The following DOCK3 variants were observed in gnomAD, a reference collection of about 807,000 sequenced individuals.
DOCK3 encodes dedicator of cytokinesis 3.
A neutral mutation model predicts 265.6 loss-of-function variants in DOCK3; 60 were observed. The ratio of observed to expected loss-of-function variants is 0.23; its 90% CI spans 0.18 to 0.28. The LOEUF (loss-of-function observed/expected upper bound fraction) is 0.28. DOCK3 is among the 10% of genes least tolerant of loss of function. The pLI is 1.00. For missense variants in DOCK3, 1,981 were observed against 2,594.3 expected (o/e 0.76, Z 5.14); for synonymous variants, 881 against 938.0 (o/e 0.94, Z 1.11).
At chr3:51,227,137 A>T in intron 15 of DOCK3, 146 bp from the exon 16 acceptor site, 3 of 839,216 alleles carry the variant, frequency 3.6e-6, no homozygotes, top group Non-Finnish European at 5.6e-6. Context: ...CATTGAATTT[A>T]AATCAAATGC....
intron 27 of DOCK3, among the ~76,000 whole-genome samples, chr3:51,281,257 G>A (rs1319918317): frequency 2.2e-5 from 3 of 137,632 alleles, no homozygotes; most frequent in Non-Finnish European, 4.5e-5. Flanking sequence ...TAACACTAAC[G>A]ATAGCTGATG....
At chr3:51,322,234 G>T (rs1354114806) in intron 32 of DOCK3, among the ~76,000 whole-genome samples, 1 of 152,120 alleles carries the variant, frequency 6.6e-6, no homozygotes, top group Non-Finnish European at 1.5e-5. Context: ...ATGGAGTCTT[G>T]CTTGGTCGCC....
At chr3:51,372,167 G>C (rs932251621) in intron 49 of DOCK3, among the ~76,000 whole-genome samples, 2 of 152,202 alleles carry the variant, frequency 1.3e-5, no homozygotes, top group African/African-American at 2.4e-5. Flanking sequence ...TCAAAAGGCT[G>C]ATTGGAGCTA....
In DOCK3 at chr3:50,686,873, C is replaced by T. The variant is rs543550520; in HGVS notation, c.37+11573C>T. Among the ~76,000 whole-genome samples the T allele has an allele frequency of 5.5e-5, 8 of 146,106 alleles. No individual in the cohort carries two copies. In the East Asian group the frequency reaches 1.2e-3, roughly 22 times the overall value. Reference sequence around the variant, plus strand: ...GCAGTGAGCCAAAATCACACCACTACACTCTAGCCTGGGCAACAGAGCAAG... The same window carrying T: ...GCAGTGAGCCAAAATCACACCACTATACTCTAGCCTGGGCAACAGAGCAAG... On this transcript the variant is annotated intron_variant, in intron 1 of 52. Transcript: ENST00000266037.
intron 9 of DOCK3, among the ~76,000 whole-genome samples, chr3:51,100,196 C>T (rs1045763713): frequency 6.6e-6 from 1 of 152,170 alleles, no homozygotes; most frequent in Non-Finnish European, 1.5e-5. Context: ...ACAGTTAACA[C>T]TGAGCAAAAT....
intron 3 of DOCK3, among the ~76,000 whole-genome samples, chr3:50,887,777 C>G (rs2048416342): frequency 7.0e-6 from 1 of 142,802 alleles, no homozygotes. Context: ...ATGATTATCT[C>G]AATAGATGCA....
chr3:51,285,758 C>T (rs951318089), intron 27 of DOCK3, among the ~76,000 whole-genome samples: 5 of 151,938 alleles, frequency 3.3e-5, no homozygotes, highest in African/African-American at 1.2e-4. Flanking sequence ...CATAGCGAAA[C>T]CCCGTCTCTA....
At chr3:51,033,206 T>C (rs1468471806) in intron 5 of DOCK3, among the ~76,000 whole-genome samples, 2 of 152,192 alleles carry the variant, frequency 1.3e-5, no homozygotes, top group Non-Finnish European at 2.9e-5. Flanking sequence ...GCAAGAGCAT[T>C]GTCATAGTGG....
intron 27 of DOCK3, among the ~76,000 whole-genome samples, chr3:51,289,135 T>C (rs2081589920): frequency 6.6e-6 from 1 of 152,174 alleles, no homozygotes; most frequent in African/African-American, 2.4e-5. Flanking sequence ...GATTATGTTT[T>C]CTGCAGCAAC....
chr3:51,060,825 T>C (rs1348508411), intron 5 of DOCK3, among the ~76,000 whole-genome samples: 2 of 152,276 alleles, frequency 1.3e-5, no homozygotes, highest in African/African-American at 4.8e-5. Context: ...AGTCAAGGGC[T>C]AATATCCAGA....
chr3:51,220,709 G>GTGTGTGTGTGTATATA (rs1208536854), intron 14 of DOCK3, among the ~76,000 whole-genome samples: 3 of 132,388 alleles, frequency 2.3e-5, no homozygotes, highest in Non-Finnish European at 3.1e-5. Context: ...GTGTGTGTGT[G>GTGTGTGTGTGTATATA]TATATATATA....
chr3:51,334,109 G>A (rs1221738214), intron 35 of DOCK3, among the ~76,000 whole-genome samples: 2 of 152,154 alleles, frequency 1.3e-5, no homozygotes, highest in African/African-American at 4.8e-5. Context: ...ACCTCCCAAA[G>A]TGCTGAGATT....
chr3:50,984,766 C>T (rs2077831934), intron 5 of DOCK3, among the ~76,000 whole-genome samples: 1 of 151,864 alleles, frequency 6.6e-6, no homozygotes. Context: ...TTCAGCTGAC[C>T]ACGGATTGAA....
At chr3:51,024,266 C>T (rs1042884357) in intron 5 of DOCK3, among the ~76,000 whole-genome samples, 9 of 152,122 alleles carry the variant, frequency 5.9e-5, no homozygotes, top group African/African-American at 1.9e-4. Context: ...GGCAGGGATT[C>T]CTTAAAGCTT....
intron 14 of DOCK3, among the ~76,000 whole-genome samples, chr3:51,214,780 G>T (rs757091126): frequency 3.9e-5 from 6 of 152,144 alleles, no homozygotes; most frequent in Non-Finnish European, 7.4e-5. Flanking sequence ...AGCTTCTCAG[G>T]AATTGTATCA....
chr3:50,961,748 C>T (rs1047064460), intron 5 of DOCK3, among the ~76,000 whole-genome samples: 5 of 152,076 alleles, frequency 3.3e-5, no homozygotes, highest in East Asian at 3.9e-4. Flanking sequence ...ATGGTTCTTC[C>T]AAAGACAATG....
At chr3:50,996,397 T>G (rs1486191193) in intron 5 of DOCK3, among the ~76,000 whole-genome samples, 2 of 152,020 alleles carry the variant, frequency 1.3e-5, no homozygotes, top group Non-Finnish European at 2.9e-5. Flanking sequence ...TTTTGTATTT[T>G]TAGTAGAGAT....
Position 51,228,105 on chromosome 3 carries a change from C to T in DOCK3, c.1647+17C>T, listed in dbSNP as rs1251607206. On this transcript the variant is annotated intron_variant, in intron 17 of 52. Coordinates refer to ENST00000266037, the MANE Select transcript of DOCK3 (RefSeq NM_004947.5). ...GTGTACAAGGTATGAAGCCTAGCTG[C>T]CTTTCATCCCCACCCCTTACCTGCC... The T allele has an allele frequency of 6.2e-7, 1 of 1,611,804 alleles. No individual in the cohort carries two copies. The highest frequency in any genetic ancestry group is 8.5e-7 in the Non-Finnish European group (1 of 1,177,988).
chr3:51,362,416 G>A, intron 48 of DOCK3, 111 bp from the exon 49 acceptor site: 7 of 1,398,302 alleles, frequency 5.0e-6, no homozygotes, highest in Non-Finnish European at 6.9e-6. Flanking sequence ...TCAGGGGATA[G>A]CATAAGGCAC....
Sources: gnomAD v4.1 joint callset for allele counts (sites outside exome capture counted in the v4.1 genomes callset) on GRCh38, gnomAD v4.1.1 for gene constraint, MANE v1.5 for transcripts, NCBI Gene and HGNC (gene_info 2026-07-23, HGNC 2026-07-21) for gene names.